Variants in EIF4G3 observed in about 807,000 individuals in gnomAD.
The protein encoded by EIF4G3 is eukaryotic translation initiation factor 4 gamma 3.
In EIF4G3, 34 loss-of-function variants were observed where a neutral mutation model predicts 186.4. The observed-to-expected ratio is 0.18, with a 90% confidence interval of 0.14 to 0.24. The LOEUF is 0.24. EIF4G3 is among the 10% of genes least tolerant of loss of function. The pLI is 1.00. For missense variants in EIF4G3, 1,536 were observed against 1,948.5 expected (o/e 0.79, Z 3.99); for synonymous variants, 673 against 679.5 (o/e 0.99, Z 0.15).
chr1:21,064,234 T>A (rs1442289234), intron 3 of EIF4G3, among the ~76,000 whole-genome samples: 1 of 152,128 alleles, frequency 6.6e-6, no homozygotes, highest in Non-Finnish European at 1.5e-5. Flanking sequence ...CTATCCTTTG[T>A]GCCCTGCAGC....
At chr1:20,912,630 C>T (rs1036058879) in intron 14 of EIF4G3, among the ~76,000 whole-genome samples, 9 of 152,176 alleles carry the variant, frequency 5.9e-5, no homozygotes, top group Non-Finnish European at 7.3e-5. Context: ...TGTGCATAAA[C>T]AAAGTAGAAT....
intron 21 of EIF4G3, 121 bp from the exon 22 acceptor site, chr1:20,864,833 T>C: frequency 1.0e-6 from 1 of 958,606 alleles, no homozygotes; most frequent in Non-Finnish European, 1.6e-6. Flanking sequence ...AATCTACTGC[T>C]CAGAAAACTG....
At position 21,176,219 on chromosome 1, in the gene EIF4G3, A is replaced by T. The variant is rs2098100923; in HGVS notation, c.-316T>A. ...GGAGGGCCCTGATGTTCGGGTGAGGAGGGGGGACCGCTGCCGCCGCCGCCG... is the reference window on the plus strand; with the variant it reads ...GGAGGGCCCTGATGTTCGGGTGAGGTGGGGGGACCGCTGCCGCCGCCGCCG... On this transcript the variant is annotated 5_prime_UTR_variant, in exon 2 of 37. Transcript: ENST00000602326. 7.2e-6 allele frequency: 3 copies of T among 415,126 alleles called. No homozygotes were observed. Among genetic ancestry groups the T allele is most frequent in the African/African-American group, 2.2e-5 (1 of 46,372 alleles). 25.7% of individuals were successfully genotyped at this position (415,126 alleles called of 1,614,324 possible).
intron 14 of EIF4G3, among the ~76,000 whole-genome samples, chr1:20,917,824 T>C (rs2094053864): frequency 6.6e-6 from 1 of 152,196 alleles, no homozygotes. Context: ...CCTAAAATAT[T>C]AGCATTTCCA....
At chr1:20,987,568 T>G (rs1041440938) in intron 7 of EIF4G3, among the ~76,000 whole-genome samples, 2 of 152,222 alleles carry the variant, frequency 1.3e-5, no homozygotes. Context: ...GTTATGGTGA[T>G]GTGTGATCAC....
chr1:21,021,513 A>G (rs781043987), intron 4 of EIF4G3, among the ~76,000 whole-genome samples: 1 of 152,148 alleles, frequency 6.6e-6, no homozygotes, highest in African/African-American at 2.4e-5. Flanking sequence ...GGTATACAGC[A>G]TAACAGTAAC....
chr1:21,051,508 T>G (rs548439933), intron 3 of EIF4G3, among the ~76,000 whole-genome samples: 5 of 152,084 alleles, frequency 3.3e-5, no homozygotes, highest in Non-Finnish European at 7.4e-5. Flanking sequence ...AAATCTAAAC[T>G]CCAAAAATGG....
At position 21,037,727 on chromosome 1, in the gene EIF4G3, G is replaced by A. The variant is rs544841159; in HGVS notation, c.-67+13139C>T. Among the ~76,000 whole-genome samples, 3 of 152,290 alleles carry A rather than the reference G, an allele frequency of 2.0e-5. No individual in the cohort carries two copies. In the South Asian group the frequency reaches 6.2e-4, roughly 32 times the overall value. On this transcript the variant is annotated intron_variant, in intron 4 of 36. Coordinates refer to ENST00000602326, the MANE Select transcript of EIF4G3 (RefSeq NM_001391906.1). Reference sequence around the variant, plus strand: ...AAGACTAGCCCAATTCACTTTGCTTGTATAAGATCTGAAAATGGGGGCATC... The same window carrying A: ...AAGACTAGCCCAATTCACTTTGCTTATATAAGATCTGAAAATGGGGGCATC...
intron 10 of EIF4G3, among the ~76,000 whole-genome samples, chr1:20,977,592 G>C (rs1395501829): frequency 6.6e-6 from 1 of 152,100 alleles, no homozygotes; most frequent in Admixed American, 6.5e-5. Flanking sequence ...TTTTAATCTA[G>C]ATGATTAACT....
intron 3 of EIF4G3, among the ~76,000 whole-genome samples, chr1:21,075,467 G>C (rs1572133150): frequency 6.7e-6 from 1 of 150,070 alleles, no homozygotes; most frequent in South Asian, 2.1e-4. Context: ...TACTTGGGAG[G>C]TTCAGGCAGG....
chr1:20,853,354 A>C (rs896507474), intron 27 of EIF4G3, among the ~76,000 whole-genome samples: 4 of 152,170 alleles, frequency 2.6e-5, no homozygotes, highest in Non-Finnish European at 4.4e-5. Context: ...TTTCTTAAGA[A>C]TCCCTTCCCT....
chr1:21,176,743 G>T lies in EIF4G3; in HGVS notation c.-477C>A, dbSNP rs1276553405. Reference sequence around the variant, plus strand: ...GGACCTTTCACGGCAATATCCTCATGGGCCGGCGGCGGGGGATCTTTATCC... The same window carrying T: ...GGACCTTTCACGGCAATATCCTCATTGGCCGGCGGCGGGGGATCTTTATCC... On this transcript the variant is annotated 5_prime_UTR_variant, in exon 1 of 37. Transcript: ENST00000602326. The T allele has an allele frequency of 1.4e-6, 1 of 698,076 alleles. No homozygotes were observed. Among genetic ancestry groups the T allele is most frequent in the South Asian group, 1.5e-5 (1 of 67,550 alleles). 43.2% of individuals were successfully genotyped at this position (698,076 alleles called of 1,614,324 possible).
chr1:21,108,728 AC>A (rs2102062879), intron 2 of EIF4G3, among the ~76,000 whole-genome samples: 1 of 151,666 alleles, frequency 6.6e-6, no homozygotes, highest in Admixed American at 6.6e-5. Flanking sequence ...ACATGGCAAA[AC>A]CCCGTCTCTA....
chr1:20,987,955 C>T (rs2079957509), intron 7 of EIF4G3, among the ~76,000 whole-genome samples: 1 of 152,196 alleles, frequency 6.6e-6, no homozygotes, highest in African/African-American at 2.4e-5. Context: ...TAAAGTGCTA[C>T]TCCAGTGAAC....
chr1:21,051,887 A>C lies in EIF4G3; in HGVS notation c.-195-893T>G, dbSNP rs990654847. 1.1e-4 allele frequency among the ~76,000 whole-genome samples: 16 copies of C among 152,124 alleles called. 1 individual carries two copies. Among genetic ancestry groups the C allele is most frequent in the Admixed American group, 5.9e-4 (9 of 15,274 alleles). ...TCTTTAAATACAAAAAAATTTTTAAAAAGGACATCTAAATATACATATACA... is the reference window on the plus strand; with the variant it reads ...TCTTTAAATACAAAAAAATTTTTAACAAGGACATCTAAATATACATATACA... On this transcript the variant is annotated intron_variant, in intron 3 of 36. Transcript: ENST00000602326.
Position 20,980,345 on chromosome 1 carries a change from G to A in EIF4G3, c.482C>T (p.Pro161Leu). Reference sequence around the variant, plus strand: ...CTTTTCCTACTTACCATAAGCATTGGGGAAGTCCCCAGGTCCTGGTCCAGG... The same window carrying A: ...CTTTTCCTACTTACCATAAGCATTGAGGAAGTCCCCAGGTCCTGGTCCAGG... ...FYPGPGPGDFPNAYGTPFYPS... is the reference protein window; with the variant it reads ...FYPGPGPGDFLNAYGTPFYPS... The change falls in exon 10 of 37, where the codon CCC (proline) becomes CTC (leucine). Residue 161 changes from proline (P) to leucine (L), a missense_variant. By Grantham distance (98) the Pro-to-Leu change is moderately conservative. Coordinates refer to ENST00000602326, the MANE Select transcript of EIF4G3 (RefSeq NM_001391906.1). 1 of 1,550,552 alleles carries A rather than the reference G, an allele frequency of 6.4e-7. No individual in the cohort carries two copies. Among genetic ancestry groups the A allele is most frequent in the Non-Finnish European group, 8.6e-7 (1 of 1,158,922 alleles).
At chr1:20,818,288 T>C (rs1481852801) in intron 33 of EIF4G3, among the ~76,000 whole-genome samples, 1 of 152,138 alleles carries the variant, frequency 6.6e-6, no homozygotes, top group Non-Finnish European at 1.5e-5. Flanking sequence ...CCATTTCGAA[T>C]ATAGGTGTGA....
intron 10 of EIF4G3, among the ~76,000 whole-genome samples, chr1:20,974,926 C>T (rs1209424436): frequency 6.6e-6 from 1 of 152,080 alleles, no homozygotes; most frequent in Non-Finnish European, 1.5e-5. Flanking sequence ...AGGTAAAATC[C>T]TTGGTACTAA....
Position 20,835,025 on chromosome 1 carries a change from T to A in EIF4G3, c.4062-5753A>T, listed in dbSNP as rs190990611. On this transcript the variant is annotated intron_variant, in intron 30 of 36. Transcript: ENST00000602326. ...AAGAGGACTGAAATCATATCAAGTA[T>A]CTTTTTGGATCACAATGCAATAAAA... is the stretch of plus-strand genomic sequence containing the variant. 3.5e-3 allele frequency among the ~76,000 whole-genome samples: 517 copies of A among 149,526 alleles called. 2 individuals are homozygous for A. The highest frequency in any genetic ancestry group is 0.011 in the African/African-American group (460 of 40,756).
Sources: allele counts gnomAD v4.1 joint callset (sites outside exome capture counted in the v4.1 genomes callset), GRCh38; gene constraint gnomAD v4.1.1; transcripts MANE v1.5; gene names NCBI Gene and HGNC (gene_info 2026-07-23, HGNC 2026-07-21).